HERC1: variants seen among roughly 807,000 people sequenced by gnomAD.
HERC1 encodes the protein HECT and RLD domain containing E3 ubiquitin protein ligase family member 1.
Under a neutral mutation model 554.3 loss-of-function variants are expected in HERC1, and 160 were observed. That is an observed-to-expected ratio of 0.29 (90% CI 0.25 to 0.33). The LOEUF (loss-of-function observed/expected upper bound fraction) is 0.33. HERC1 is among the 10% of genes least tolerant of loss of function. The pLI, the probability that HERC1 is intolerant of heterozygous loss-of-function variation, is 1.00. For missense variants in HERC1, 4,919 were observed against 5,918.5 expected, an observed-to-expected ratio of 0.83 and a Z score of 5.54; for synonymous variants, 2,175 against 2,131.7, an observed-to-expected ratio of 1.02 and a Z score of -0.56.
At position 63,700,708 on chromosome 15, in the gene HERC1, C is replaced by CAAAAAAAA. The variant is rs11314964; in HGVS notation, c.4637-1720_4637-1713dup. The stretch of plus-strand genomic sequence containing the variant: ...TGGGTGACAGGGCGAGACCCTGCCT[C>CAAAAAAAA]AAAAAAAAAAAAAAAAAAAAAAGCT... On this transcript the variant is annotated intron_variant, in intron 25 of 77. Coordinates refer to ENST00000443617, the MANE Select transcript of HERC1 (RefSeq NM_003922.4). Among the ~76,000 whole-genome samples the CAAAAAAAA allele has an allele frequency of 5.0e-3, 323 of 64,460 alleles. 9 individuals are homozygous for CAAAAAAAA. The highest frequency in any genetic ancestry group is 7.8e-3 in the Non-Finnish European group (246 of 31,464). 42.3% of individuals were successfully genotyped at this position (64,460 alleles called of 152,430 possible).
chr15:63,729,938 T>C (rs934679216), intron 14 of HERC1, among the ~76,000 whole-genome samples: 2 of 148,106 alleles, frequency 1.4e-5, no homozygotes, highest in African/African-American at 2.5e-5. Context: ...GGCAGGAGAA[T>C]TGCTTGAACC....
chr15:63,623,634 TA>T, intron 73 of HERC1, 90 bp downstream of exon 73: 2 of 1,249,668 alleles, frequency 1.6e-6, no homozygotes, highest in Non-Finnish European at 2.3e-6. Context: ...GCTACATTTA[TA>T]AAAACATGCC....
chr15:63,814,707 T>C lies in HERC1; in HGVS notation c.-27+19120A>G, dbSNP rs184025776. Among the ~76,000 whole-genome samples the C allele has an allele frequency of 9.2e-5, 14 of 152,140 alleles. No individual in the cohort carries two copies. The East Asian group carries it at 2.7e-3, about 29-fold the overall frequency. On this transcript the variant is annotated intron_variant, in intron 1 of 77. Coordinates refer to ENST00000443617, the MANE Select transcript of HERC1 (RefSeq NM_003922.4). Reference sequence around the variant, plus strand: ...TGGTCTTGAACTCCTGGCCTCAAGTTATCTGCCCGCCTCGGCCTCCCAAAG... The same window carrying C: ...TGGTCTTGAACTCCTGGCCTCAAGTCATCTGCCCGCCTCGGCCTCCCAAAG...
intron 5 of HERC1, among the ~76,000 whole-genome samples, chr15:63,755,546 A>C (rs2075393695): frequency 6.6e-6 from 1 of 152,204 alleles, no homozygotes; most frequent in South Asian, 2.1e-4. Context: ...TGGCAGGCCA[A>C]GGCAGGCAGA....
At chr15:63,830,119 T>C (rs983928269) in intron 1 of HERC1, among the ~76,000 whole-genome samples, 2 of 152,170 alleles carry the variant, frequency 1.3e-5, no homozygotes, top group South Asian at 2.1e-4. Flanking sequence ...GGGAGAAAGT[T>C]TGAGGAGAAA....
intron 74 of HERC1, among the ~76,000 whole-genome samples, chr15:63,618,633 G>A (rs1183285782): frequency 6.6e-6 from 1 of 152,182 alleles, no homozygotes. Flanking sequence ...TCCTACCCAT[G>A]AGCATGGAAT....
Position 63,749,845 on chromosome 15 carries a change from G to A in HERC1, c.1903-54C>T, listed in dbSNP as rs2075176346. ...AACTTCCTGAGATGATTAGATTGTTGGCTTTAGGGATAAATGAAATCTATG... is the reference window on the plus strand; with the variant it reads ...AACTTCCTGAGATGATTAGATTGTTAGCTTTAGGGATAAATGAAATCTATG... On this transcript the variant is annotated intron_variant, in intron 8 of 77. Transcript: ENST00000443617. This position sits in a 1 kb window ranked among gnomAD's most constrained non-coding sequence, Gnocchi z 4.1. 2 of 1,392,044 alleles carry A rather than the reference G, an allele frequency of 1.4e-6. No individual in the cohort carries two copies. Among genetic ancestry groups the A allele is most frequent in the Non-Finnish European group, 1.9e-6 (2 of 1,042,982 alleles). The allele number at this position is 1,392,044 out of a possible 1,614,324, so 86.2% of individuals were successfully genotyped here. A position where few individuals can be genotyped will look rare whatever the true frequency, so the allele number is the denominator to read the frequency against.
At chr15:63,695,631 G>A (rs985774334) in intron 27 of HERC1, among the ~76,000 whole-genome samples, 10 of 151,002 alleles carry the variant, frequency 6.6e-5, no homozygotes, top group Non-Finnish European at 1.3e-4. Flanking sequence ...CAGGTGATCC[G>A]ACCACCTCAG....
In HERC1 at chr15:63,630,461, T is replaced by C. The variant is rs776610552; in HGVS notation, c.12966+5A>G. On this transcript the variant is annotated splice_donor_5th_base_variant and intron_variant, in intron 69 of 77. Coordinates refer to ENST00000443617, the MANE Select transcript of HERC1 (RefSeq NM_003922.4). ...GAGAAAGCAGCAAGCAATATAAATA[T>C]TTACCTGCCCTTCTGAATTGCTCCC... 3.7e-6 allele frequency: 6 copies of C among 1,608,666 alleles called. No homozygotes were observed. Among genetic ancestry groups the C allele is most frequent in the South Asian group, 2.2e-5 (2 of 89,914 alleles).
chr15:63,648,840 A>G (rs2069495197), intron 54 of HERC1, among the ~76,000 whole-genome samples: 1 of 152,218 alleles, frequency 6.6e-6, no homozygotes, highest in Admixed American at 6.5e-5. Flanking sequence ...TTAAACAAAC[A>G]AAACAAACCT....
At chr15:63,644,369 G>A (rs2069221993) in intron 57 of HERC1, among the ~76,000 whole-genome samples, 1 of 152,100 alleles carries the variant, frequency 6.6e-6, no homozygotes, top group South Asian at 2.1e-4. Flanking sequence ...TTTAATATTG[G>A]GAGATTTTAC....
At chr15:63,789,655 A>T (rs1205337407) in intron 1 of HERC1, among the ~76,000 whole-genome samples, 1 of 151,468 alleles carries the variant, frequency 6.6e-6, no homozygotes, top group East Asian at 2.0e-4. Flanking sequence ...AAAATTAGCT[A>T]GGCGTTGTGG....
At chr15:63,639,912 T>C (rs1395252717) in intron 61 of HERC1, among the ~76,000 whole-genome samples, 9 of 152,224 alleles carry the variant, frequency 5.9e-5, no homozygotes, top group African/African-American at 2.2e-4. Flanking sequence ...TATGGGACTA[T>C]GTCATTGAGA....
chr15:63,692,054 G>C lies in HERC1; in HGVS notation c.5830+357C>G, dbSNP rs924440742. On this transcript the variant is annotated intron_variant, in intron 31 of 77. Transcript: ENST00000443617. This position sits in a 1 kb window ranked among gnomAD's most constrained non-coding sequence, Gnocchi z 4.7. ...ACAGAAATCACATTATGATAAGAGA[G>C]ACTGTACAAATTCAGATCTGCATCC... 6.6e-6 allele frequency among the ~76,000 whole-genome samples: 1 copy of C among 152,288 alleles called. No homozygotes were observed. Among genetic ancestry groups the C allele is most frequent in the African/African-American group, 2.4e-5 (1 of 41,564 alleles).
chr15:63,696,458 C>G (rs545527365), intron 26 of HERC1, 119 bp from the exon 27 acceptor site: 4 of 649,082 alleles, frequency 6.2e-6, no homozygotes, highest in Non-Finnish European at 1.1e-5. Flanking sequence ...TGAATCTATT[C>G]TAAGATAAAC....
In HERC1 at chr15:63,677,862, T is replaced by C; in HGVS notation, c.7053A>G (p.Glu2351=). The C allele has an allele frequency of 6.2e-7, 1 of 1,613,712 alleles. No individual in the cohort carries two copies. Among genetic ancestry groups the C allele is most frequent in the Non-Finnish European group, 8.5e-7 (1 of 1,179,706 alleles). Residue 2351 remains glutamate, a synonymous_variant, in exon 37 of 78, where the codon GAA becomes GAG. Coordinates refer to ENST00000443617, the MANE Select transcript of HERC1 (RefSeq NM_003922.4). The surrounding 1 kb of genome is among the most constrained non-coding windows in gnomAD (Gnocchi z 4.4). The part of the protein sequence containing the change: ...GSTSAKVQWD[E]AEITISFPTF... ...GATCATACCTGATAGTAATTTCTGC[T>C]TCATCCCATTGGACCTTGGCAGACG...
chr15:63,692,982 A>G lies in HERC1; in HGVS notation c.5675-416T>C, dbSNP rs2072194656. Among the ~76,000 whole-genome samples, 1 of 151,920 alleles carries G rather than the reference A, an allele frequency of 6.6e-6. No homozygotes were observed. The highest frequency in any genetic ancestry group is 6.6e-5 in the Admixed American group (1 of 15,238). ...GATCACTTGAGGTCAGGAGTTCAAG[A>G]TCAGCCTGGCCAACATAGCGAAACC... On this transcript the variant is annotated intron_variant, in intron 30 of 77. Coordinates refer to ENST00000443617, the MANE Select transcript of HERC1 (RefSeq NM_003922.4). The surrounding 1 kb of genome is among the most constrained non-coding windows in gnomAD (Gnocchi z 4.7).
In HERC1 at chr15:63,815,943, C is replaced by G. The variant is rs530906009; in HGVS notation, c.-27+17884G>C. ...GGGGGAAAGCCCCTTTTAAAACCAT[C>G]AGATCTCATGAGAACTCACTATCAG... is the stretch of plus-strand genomic sequence containing the variant. On this transcript the variant is annotated intron_variant, in intron 1 of 77. Coordinates refer to ENST00000443617, the MANE Select transcript of HERC1 (RefSeq NM_003922.4). 4.6e-5 allele frequency among the ~76,000 whole-genome samples: 7 copies of G among 152,228 alleles called. No individual in the cohort carries two copies. The Middle Eastern group carries it at 0.014, about 296-fold the overall frequency.
At position 63,694,649 on chromosome 15, in the gene HERC1, T is replaced by C; in HGVS notation, c.5243-100A>G. Reference sequence around the variant, plus strand: ...AATATTAATAACATGAAACACTAAATTATTTATTCTTTACCTATAAGTTTA... The same window carrying C: ...AATATTAATAACATGAAACACTAAACTATTTATTCTTTACCTATAAGTTTA... On this transcript the variant is annotated intron_variant, in intron 28 of 77. Transcript: ENST00000443617. This position sits in a 1 kb window ranked among gnomAD's most constrained non-coding sequence, Gnocchi z 4.3. 7.0e-7 allele frequency: 1 copy of C among 1,435,944 alleles called. No individual in the cohort carries two copies. The allele number at this position is 1,435,944 out of a possible 1,614,324, so 89.0% of individuals were successfully genotyped here.
Sources: gnomAD v4.1 joint callset for allele counts (sites outside exome capture counted in the v4.1 genomes callset) on GRCh38, gnomAD v4.1.1 for gene constraint, Gnocchi (gnomAD v3.1) non-coding constraint, MANE v1.5 for transcripts, NCBI Gene and HGNC (gene_info 2026-07-23, HGNC 2026-07-21) for gene names.